Variants in PEDS1 observed in about 807,000 individuals in gnomAD.
PEDS1 encodes CarF homolog.
PEDS1 carries 14 observed loss-of-function variants against 35.2 expected under a neutral mutation model. That is an observed-to-expected ratio of 0.40 (90% CI 0.26 to 0.62). The LOEUF (loss-of-function observed/expected upper bound fraction) is 0.62, where lower values mean the gene tolerates loss of function less well. Ranked by LOEUF, PEDS1 falls within the 20% of genes least tolerant of loss-of-function variation. The probability of loss-of-function intolerance (pLI) is 0.44; values close to 1 mark genes in which losing one functional copy is unlikely to be tolerated. For synonymous variants in PEDS1, 152 were observed against 152.0 expected (o/e 1.00, Z 0.00); for missense variants, 260 against 367.8 (o/e 0.71, Z 2.40).
chr20:50,135,658 C>CAAAAAAAAA (rs34069451), intron 2 of PEDS1, among the ~76,000 whole-genome samples: 3 of 37,842 alleles, frequency 7.9e-5, no homozygotes, highest in Non-Finnish European at 1.4e-4. Flanking sequence ...AACTCCATCT[C>CAAAAAAAAA]AAAAAAAAAA....
At chr20:50,130,997 G>A in intron 2 of PEDS1, 50 bp from the exon 3 acceptor site, 1 of 1,614,040 alleles carries the variant, frequency 6.2e-7, no homozygotes. Context: ...CCCCCAATCA[G>A]AATCACTCAT....
chr20:50,133,234 C>T (rs1020799161), intron 2 of PEDS1, among the ~76,000 whole-genome samples: 8 of 150,654 alleles, frequency 5.3e-5, no homozygotes, highest in African/African-American at 2.0e-4. Flanking sequence ...GGGGCAGCCA[C>T]TGGATGCCGA....
intron 2 of PEDS1, among the ~76,000 whole-genome samples, chr20:50,135,381 G>A (rs982094525): frequency 1.3e-5 from 2 of 151,884 alleles, no homozygotes; most frequent in Non-Finnish European, 2.9e-5. Flanking sequence ...TTTCCAGGCC[G>A]GGCACGGTGG....
chr20:50,151,204 T>C, intron 1 of PEDS1: 2 of 1,299,080 alleles, frequency 1.5e-6, no homozygotes, highest in Admixed American at 4.6e-5. Context: ...GCAAGTCTCC[T>C]CCCCTACCTC....
At chr20:50,140,832 T>A (rs2147292547) in intron 2 of PEDS1, among the ~76,000 whole-genome samples, 1 of 152,304 alleles carries the variant, frequency 6.6e-6, no homozygotes, top group East Asian at 1.9e-4. Context: ...CACAGTGCCC[T>A]TACTGCCTGC....
Position 50,120,213 on chromosome 20 carries a change from T to C in PEDS1, c.*4845A>G. 5.8e-6 allele frequency: 1 copy of C among 173,794 alleles called. No individual in the cohort carries two copies. 10.8% of individuals were successfully genotyped at this position (173,794 alleles called of 1,614,324 possible). A position where few individuals can be genotyped will look rare whatever the true frequency, so the allele number is the denominator to read the frequency against. ...CCAGGAGTCTGAGGTTACAGTGAGC[T>C]GTGATTGTGCCACTGCACTCCAGCC... On this transcript the variant is annotated 3_prime_UTR_variant, in exon 6 of 6. Coordinates refer to ENST00000371652, the MANE Select transcript of PEDS1 (RefSeq NM_199129.4).
At chr20:50,141,289 C>T (rs948514958) in intron 2 of PEDS1, among the ~76,000 whole-genome samples, 6 of 152,246 alleles carry the variant, frequency 3.9e-5, no homozygotes, top group African/African-American at 1.4e-4. Flanking sequence ...GTGATGGGAA[C>T]CTCCTCACTA....
In PEDS1 at chr20:50,128,198, G is replaced by C; in HGVS notation, c.479-11C>G. ...GCTGCTCCAGGGCTTCTGCAGGTTG[G>C]GGAGAGGGGGGGCCGGCACAGCTGT... On this transcript the variant is annotated splice_polypyrimidine_tract_variant and intron_variant, in intron 4 of 5. Coordinates refer to ENST00000371652, the MANE Select transcript of PEDS1 (RefSeq NM_199129.4). The surrounding 1 kb of genome is among the most constrained non-coding windows in gnomAD (Gnocchi z 5.2). The C allele has an allele frequency of 6.2e-7, 1 of 1,613,678 alleles. No homozygotes were observed. Among genetic ancestry groups the C allele is most frequent in the South Asian group, 1.1e-5 (1 of 91,038 alleles).
At chr20:50,152,277 C>T (rs1242257889) in intron 1 of PEDS1, among the ~76,000 whole-genome samples, 1 of 152,152 alleles carries the variant, frequency 6.6e-6, no homozygotes, top group African/African-American at 2.4e-5. Flanking sequence ...CGGCATGGAA[C>T]CCAGGCCAGT....
chr20:50,145,132 G>A (rs1380327542), intron 1 of PEDS1, among the ~76,000 whole-genome samples: 2 of 152,116 alleles, frequency 1.3e-5, no homozygotes, highest in African/African-American at 2.4e-5. Flanking sequence ...AATCTGGGAG[G>A]TGGAGATTGC....
chr20:50,132,030 C>A (rs1326613822), intron 2 of PEDS1, among the ~76,000 whole-genome samples: 6 of 151,990 alleles, frequency 3.9e-5, no homozygotes, highest in Non-Finnish European at 8.8e-5. Flanking sequence ...ATGGTGAAAC[C>A]CCATCTGTAC....
chr20:50,151,359 G>A (rs1198092088), intron 1 of PEDS1: 3 of 1,215,296 alleles, frequency 2.5e-6, no homozygotes, highest in Non-Finnish European at 3.3e-6. Flanking sequence ...TGATCGTGGT[G>A]GAGTGGGGAA....
Position 50,129,625 on chromosome 20 carries a change from G to A in PEDS1, c.399C>T (p.Ile133=), listed in dbSNP as rs1026664865. 9.3e-6 allele frequency: 15 copies of A among 1,613,992 alleles called. No individual in the cohort carries two copies. Among genetic ancestry groups the A allele is most frequent in the East Asian group, 4.5e-5 (2 of 44,888 alleles). The stretch of plus-strand genomic sequence containing the variant: ...CCAGGCAGTTGTCCCCGTTGGTCTC[G>A]ATGAAGTCGTGCCGTGTGATAGCTG... The part of the protein sequence containing the change: ...DPTAITRHDF[I]ETNGDNCLVT... Residue 133 remains isoleucine (I), a synonymous_variant, in exon 4 of 6, where the codon ATC becomes ATT. Coordinates refer to ENST00000371652, the MANE Select transcript of PEDS1 (RefSeq NM_199129.4). The surrounding 1 kb of genome is among the most constrained non-coding windows in gnomAD (Gnocchi z 4.2).
chr20:50,120,295 A>ACAAC lies in PEDS1; in HGVS notation c.*4759_*4762dup, dbSNP rs1555882808. 2.8e-5 allele frequency: 6 copies of ACAAC among 217,426 alleles called. No individual in the cohort carries two copies. The highest frequency in any genetic ancestry group is 9.3e-5 in the African/African-American group (4 of 43,230). 13.5% of individuals were successfully genotyped at this position (217,426 alleles called of 1,614,324 possible). A position where few individuals can be genotyped will look rare whatever the true frequency, so the allele number is the denominator to read the frequency against. ...AACAAACAAACAAACAAACAAACAA[A>ACAAC]CAACCCACAAAAGCTTCTGAGCTAT... On this transcript the variant is annotated 3_prime_UTR_variant, in exon 6 of 6. Transcript: ENST00000371652.
In PEDS1 at chr20:50,142,684, C is replaced by A. The variant is rs955703692; in HGVS notation, c.241+818G>T. 7.5e-5 allele frequency among the ~76,000 whole-genome samples: 5 copies of A among 66,976 alleles called. No individual in the cohort carries two copies. The East Asian group carries it at 1.3e-3, about 18-fold the overall frequency. The allele number at this position is 66,976 out of a possible 152,430, so 43.9% of individuals were successfully genotyped here. A position where few individuals can be genotyped will look rare whatever the true frequency, so the allele number is the denominator to read the frequency against. Reference sequence around the variant, plus strand: ...GAACTCCTGACCTCAAGTCATCCGCCCCCCCCCCCCCGCCCCAACGGCCTC... The same window carrying A: ...GAACTCCTGACCTCAAGTCATCCGCACCCCCCCCCCCGCCCCAACGGCCTC... On this transcript the variant is annotated intron_variant, in intron 2 of 5. Coordinates refer to ENST00000371652, the MANE Select transcript of PEDS1 (RefSeq NM_199129.4).
chr20:50,139,345 C>T (rs780331325), intron 2 of PEDS1, among the ~76,000 whole-genome samples: 1 of 152,180 alleles, frequency 6.6e-6, no homozygotes, highest in Admixed American at 6.5e-5. Flanking sequence ...CTCACGACAA[C>T]GATGTGCGTG....
chr20:50,129,812 C>T lies in PEDS1; in HGVS notation c.334-122G>A, dbSNP rs746471004. On this transcript the variant is annotated intron_variant, in intron 3 of 5. Transcript: ENST00000371652. This position sits in a 1 kb window ranked among gnomAD's most constrained non-coding sequence, Gnocchi z 4.2. ...CCTTTGATCCTAAGTTTCCTCCACC[C>T]GGGATGCTTGAACATTCCCACCTGG... 1.3e-5 allele frequency: 19 copies of T among 1,462,914 alleles called. No individual in the cohort carries two copies. The highest frequency in any genetic ancestry group is 5.4e-5 in the South Asian group (4 of 74,386). 90.6% of individuals were successfully genotyped at this position (1,462,914 alleles called of 1,614,324 possible).
intron 1 of PEDS1, among the ~76,000 whole-genome samples, chr20:50,144,609 G>A (rs73278553): frequency 0.015 from 2,273 of 152,250 alleles, 46 homozygotes; most frequent in African/African-American, 0.051. Flanking sequence ...TGATTCACTC[G>A]CTGCAGCTTT....
intron 2 of PEDS1, among the ~76,000 whole-genome samples, chr20:50,135,526 C>T (rs1032895451): frequency 2.6e-5 from 4 of 151,368 alleles, no homozygotes; most frequent in East Asian, 2.0e-4. Flanking sequence ...GGTGTGGTGG[C>T]GCATGCCTGT....
Sources: allele counts gnomAD v4.1 joint callset (sites outside exome capture counted in the v4.1 genomes callset), GRCh38; gene constraint gnomAD v4.1.1; non-coding constraint Gnocchi (gnomAD v3.1); transcripts MANE v1.5; gene names NCBI Gene and HGNC (gene_info 2026-07-23, HGNC 2026-07-21).